RMST: variants seen among roughly 807,000 people sequenced by gnomAD.
RMST encodes the protein rhabdomyosarcoma 2 associated transcript, also known as long intergenic non-protein coding RNA 54.
intron 13 of RMST, among the ~76,000 whole-genome samples, chr12:97,561,331 T>A (rs1388885580): frequency 2.0e-5 from 3 of 152,232 alleles, no homozygotes; most frequent in Non-Finnish European, 1.5e-5. Context: ...GCATGTCCAG[T>A]AGTTTATGTC....
At chr12:97,550,472 T>C (rs765309381) in intron 11 of RMST, among the ~76,000 whole-genome samples, 16 of 152,142 alleles carry the variant, frequency 1.1e-4, no homozygotes, top group Non-Finnish European at 1.6e-4. Flanking sequence ...TATAGGAATA[T>C]TGTATTTCAA....
chr12:97,524,167 C>CATCCGT (rs1327903949), intron 10 of RMST, among the ~76,000 whole-genome samples: 4 of 147,148 alleles, frequency 2.7e-5, no homozygotes, highest in Admixed American at 1.4e-4. Context: ...CTTTCTGTAA[C>CATCCGT]ATCCGTGGTG....
chr12:97,495,701 C>T (rs974426103), intron 9 of RMST, among the ~76,000 whole-genome samples: 2 of 152,156 alleles, frequency 1.3e-5, no homozygotes, highest in Admixed American at 6.6e-5. Flanking sequence ...CAAAGATAAG[C>T]ATCTACTAGA....
chr12:97,539,828 ATTAG>A (rs991898177), intron 11 of RMST, among the ~76,000 whole-genome samples: 10 of 151,530 alleles, frequency 6.6e-5, no homozygotes, highest in African/African-American at 2.4e-4. Flanking sequence ...CAGTGTGCAA[ATTAG>A]TTAATTTTAA....
chr12:97,507,023 T>A (rs568495294), intron 10 of RMST, among the ~76,000 whole-genome samples: 49 of 152,028 alleles, frequency 3.2e-4, no homozygotes, highest in African/African-American at 1.2e-3. Flanking sequence ...CCTGCAAAAG[T>A]ATGCCACAGT....
intron 3 of RMST, chr12:97,463,017 GTCTCTCTC>G (rs140034393): frequency 0.053 from 6,951 of 129,950 alleles, 236 homozygotes; most frequent in Non-Finnish European, 0.071. Context: ...CAAGTCAGCA[GTCTCTCTC>G]TCTCTCTCTC....
In RMST at chr12:97,525,526, T is replaced by C. The variant is rs527527009; in HGVS notation, n.1341-5129T>C. Reference sequence around the variant, plus strand: ...GAGCTACATATATAACATAAATTTATACAACCTCAAAGGATATACTGTGAA... The same window carrying C: ...GAGCTACATATATAACATAAATTTACACAACCTCAAAGGATATACTGTGAA... On this transcript the variant is annotated intron_variant and non_coding_transcript_variant, in intron 10 of 13. Transcript: ENST00000640149. 4.0e-4 allele frequency among the ~76,000 whole-genome samples: 61 copies of C among 152,304 alleles called. 1 individual carries two copies. Among genetic ancestry groups the C allele is most frequent in the African/African-American group, 1.3e-3 (56 of 41,570 alleles).
At chr12:97,540,953 T>TATAGATATAG (rs758613448) in intron 11 of RMST, among the ~76,000 whole-genome samples, 1 of 101,558 alleles carries the variant, frequency 9.8e-6, no homozygotes, top group African/African-American at 7.3e-5. Context: ...TAGATATAGA[T>TATAGATATAG]ATAGATATAG....
intron 5 of RMST, among the ~76,000 whole-genome samples, chr12:97,472,910 A>G (rs1482014366): frequency 6.6e-6 from 1 of 152,082 alleles, no homozygotes; most frequent in African/African-American, 2.4e-5. Context: ...TTTCTTAATT[A>G]TCTCATCTGA....
At chr12:97,505,621 A>G (rs1878583150) in intron 10 of RMST, among the ~76,000 whole-genome samples, 1 of 152,218 alleles carries the variant, frequency 6.6e-6, no homozygotes, top group Non-Finnish European at 1.5e-5. Context: ...TACAAAACGC[A>G]CATATTTGCT....
intron 11 of RMST, among the ~76,000 whole-genome samples, chr12:97,551,427 G>T (rs1883304381): frequency 1.3e-5 from 2 of 152,130 alleles, no homozygotes; most frequent in Admixed American, 1.3e-4. Context: ...GAAAGGAATG[G>T]CATGAGGTGA....
intron 10 of RMST, among the ~76,000 whole-genome samples, chr12:97,523,725 T>G (rs756800508): frequency 6.6e-6 from 1 of 152,104 alleles, no homozygotes; most frequent in Non-Finnish European, 1.5e-5. Context: ...TCTTATCTCA[T>G]GACTGAGAAA....
At chr12:97,487,974 G>A (rs1319520779) in intron 5 of RMST, among the ~76,000 whole-genome samples, 3 of 152,152 alleles carry the variant, frequency 2.0e-5, no homozygotes, top group Non-Finnish European at 4.4e-5. Context: ...TACCCCCACG[G>A]ATTCTAATTC....
chr12:97,541,163 TC>T (rs575993871), intron 11 of RMST: 2 of 151,648 alleles, frequency 1.3e-5, no homozygotes, highest in Non-Finnish European at 3.0e-5. Context: ...ACTTCATAGC[TC>T]AAAAATAACT....
chr12:97,521,857 A>G lies in RMST; in HGVS notation n.1341-8798A>G, dbSNP rs74887475. ...ATTTATTTTCCCAGTTAACACTTCA[A>G]TTTGAAAGAAAGCATCTAGAAACCA... On this transcript the variant is annotated intron_variant and non_coding_transcript_variant, in intron 10 of 13. Coordinates refer to ENST00000640149, the Ensembl canonical transcript of RMST. 8.7e-3 allele frequency among the ~76,000 whole-genome samples: 1,322 copies of G among 152,290 alleles called. 5 individuals are homozygous for G. Among genetic ancestry groups the G allele is most frequent in the Middle Eastern group, 0.017 (5 of 294 alleles).
chr12:97,564,074 T>G, intron 13 of RMST: 1 of 339,178 alleles, frequency 2.9e-6, no homozygotes, highest in South Asian at 2.5e-5. Context: ...TTCATATTCG[T>G]AATCATTGAT....
chr12:97,492,237 G>C (rs564732125), intron 5 of RMST, among the ~76,000 whole-genome samples: 1 of 152,312 alleles, frequency 6.6e-6, no homozygotes, highest in East Asian at 1.9e-4. Context: ...TGACAGGGAG[G>C]TTGTTCGTGC....
At chr12:97,500,583 A>T (rs1192324312) in intron 10 of RMST, among the ~76,000 whole-genome samples, 1 of 152,208 alleles carries the variant, frequency 6.6e-6, no homozygotes, top group Non-Finnish European at 1.5e-5. Context: ...TATTACATCC[A>T]CTTAACAGTT....
chr12:97,481,556 G>A (rs895178191), intron 5 of RMST, among the ~76,000 whole-genome samples: 2 of 152,000 alleles, frequency 1.3e-5, no homozygotes, highest in Admixed American at 6.6e-5. Flanking sequence ...GAAATAGCAT[G>A]CTGAGCTTTG....
Sources: allele counts gnomAD v4.1 joint callset (sites outside exome capture counted in the v4.1 genomes callset), GRCh38; gene constraint gnomAD v4.1.1; transcripts MANE v1.5; gene names NCBI Gene and HGNC (gene_info 2026-07-23, HGNC 2026-07-21).